DTWD2: variants seen among roughly 807,000 people sequenced by gnomAD.
DTWD2 encodes the protein DTW motif tRNA-uridine aminocarboxypropyltransferase 2, also known as tRNA-uridine aminocarboxypropyltransferase 2.
DTWD2 carries 39 observed loss-of-function variants against 31.8 expected under a neutral mutation model. That is an observed-to-expected ratio of 1.22 (90% CI 0.95 to 1.60). DTWD2 has a LOEUF of 1.60. Ranked by LOEUF, DTWD2 falls within the 40% of genes most tolerant of loss-of-function variation. DTWD2 has a pLI of 0.00. For missense variants in DTWD2, 515 were observed against 381.5 expected, an observed-to-expected ratio of 1.35 and a Z score of -2.92; for synonymous variants, 180 against 142.8, an observed-to-expected ratio of 1.26 and a Z score of -1.86.
chr5:118,850,457 G>C (rs1235352280), intron 4 of DTWD2, among the ~76,000 whole-genome samples: 1 of 109,244 alleles, frequency 9.2e-6, no homozygotes, highest in African/African-American at 3.5e-5. Flanking sequence ...CAGACTGGGT[G>C]ACAGAGCCAG....
At chr5:118,882,701 T>C (rs531946149) in intron 4 of DTWD2, among the ~76,000 whole-genome samples, 2 of 152,302 alleles carry the variant, frequency 1.3e-5, no homozygotes, top group Admixed American at 6.5e-5. Context: ...TCTGAAACAA[T>C]GTTCTGAGCT....
intron 4 of DTWD2, among the ~76,000 whole-genome samples, chr5:118,883,609 G>A (rs966958850): frequency 6.6e-6 from 1 of 152,186 alleles, no homozygotes; most frequent in East Asian, 1.9e-4. Flanking sequence ...CATGGTAGAG[G>A]ACAAAGGGGA....
At chr5:118,959,326 C>A (rs1754657888) in intron 1 of DTWD2, among the ~76,000 whole-genome samples, 3 of 152,202 alleles carry the variant, frequency 2.0e-5, no homozygotes, top group Middle Eastern at 3.4e-3. Flanking sequence ...AGCGCCAAAT[C>A]AAGAACACAA....
intron 4 of DTWD2, among the ~76,000 whole-genome samples, chr5:118,865,888 T>A (rs139019450): frequency 6.6e-6 from 1 of 152,310 alleles, no homozygotes; most frequent in Non-Finnish European, 1.5e-5. Context: ...GCAACGACCT[T>A]ACCTCTCTTG....
chr5:118,929,794 G>A (rs148130407), intron 3 of DTWD2, among the ~76,000 whole-genome samples: 76 of 152,300 alleles, frequency 5.0e-4, no homozygotes, highest in African/African-American at 1.7e-3. Context: ...TGGCAGCCAG[G>A]CTTTCTCTGA....
At chr5:118,907,727 CAAA>C (rs1191974736) in intron 4 of DTWD2, among the ~76,000 whole-genome samples, 7 of 115,730 alleles carry the variant, frequency 6.0e-5, no homozygotes, top group Non-Finnish European at 5.6e-5. Flanking sequence ...GACTCCATAT[CAAA>C]AAAAAAAAAA....
At chr5:118,911,348 A>G (rs1753454023) in intron 4 of DTWD2, among the ~76,000 whole-genome samples, 1 of 152,246 alleles carries the variant, frequency 6.6e-6, no homozygotes, top group Admixed American at 6.5e-5. Context: ...TAGCAAAGAC[A>G]AAAGATAACA....
intron 1 of DTWD2, among the ~76,000 whole-genome samples, chr5:118,973,607 G>A (rs372608694): frequency 5.1e-5 from 1 of 19,692 alleles, no homozygotes; most frequent in African/African-American, 1.4e-4. Flanking sequence ...TTCCTCGTCC[G>A]CCTCCTTGCT....
intron 3 of DTWD2, 44 bp downstream of exon 3, chr5:118,939,152 T>C (rs763617446): frequency 2.3e-5 from 36 of 1,534,924 alleles, no homozygotes; most frequent in Non-Finnish European, 3.1e-5. Context: ...TTTTAAGATC[T>C]GTGTAGAAAA....
chr5:118,927,512 ATGTG>A (rs1055404269), intron 4 of DTWD2, among the ~76,000 whole-genome samples: 3 of 151,924 alleles, frequency 2.0e-5, no homozygotes, highest in African/African-American at 7.2e-5. Flanking sequence ...ACGTTTGTGT[ATGTG>A]TGTGTGTCTA....
At chr5:118,975,486 G>A (rs753569456) in intron 1 of DTWD2, among the ~76,000 whole-genome samples, 10 of 151,962 alleles carry the variant, frequency 6.6e-5, no homozygotes, top group Non-Finnish European at 1.2e-4. Flanking sequence ...CCTTTAGCTC[G>A]GAGGAATTTG....
At chr5:118,842,830 C>G (rs1387098025) in intron 5 of DTWD2, among the ~76,000 whole-genome samples, 4 of 151,714 alleles carry the variant, frequency 2.6e-5, no homozygotes, top group Non-Finnish European at 5.9e-5. Flanking sequence ...ACCTGTGGTC[C>G]CAGCTACTCG....
intron 4 of DTWD2, among the ~76,000 whole-genome samples, chr5:118,913,756 A>T (rs1182786568): frequency 6.6e-6 from 1 of 152,048 alleles, no homozygotes; most frequent in Non-Finnish European, 1.5e-5. Flanking sequence ...AACACAATTT[A>T]AATAACTGGC....
At chr5:118,850,539 T>C (rs1448882851) in intron 4 of DTWD2, among the ~76,000 whole-genome samples, 1 of 98,182 alleles carries the variant, frequency 1.0e-5, no homozygotes, top group East Asian at 3.1e-4. Flanking sequence ...AAGATTAAAA[T>C]GTAAGGCCAA....
intron 4 of DTWD2, among the ~76,000 whole-genome samples, chr5:118,896,843 C>T (rs547874879): frequency 6.6e-6 from 1 of 152,314 alleles, no homozygotes; most frequent in East Asian, 1.9e-4. Flanking sequence ...ATGGACCCAG[C>T]TGAGTACAAC....
chr5:118,967,576 G>C (rs1157379460), intron 1 of DTWD2, among the ~76,000 whole-genome samples: 1 of 152,174 alleles, frequency 6.6e-6, no homozygotes. Flanking sequence ...CAACCTGAAA[G>C]AGTTCTCAAT....
intron 1 of DTWD2, among the ~76,000 whole-genome samples, chr5:118,985,904 G>A (rs1033203201): frequency 4.6e-5 from 7 of 152,068 alleles, no homozygotes; most frequent in African/African-American, 1.2e-4. Context: ...TACATCATAG[G>A]ATTTTTAATC....
intron 4 of DTWD2, among the ~76,000 whole-genome samples, chr5:118,870,051 T>G (rs1161922878): frequency 1.3e-5 from 2 of 152,130 alleles, no homozygotes; most frequent in Non-Finnish European, 2.9e-5. Context: ...TAGCTTCCCT[T>G]CCACCATGAT....
chr5:118,855,208 T>C (rs1450783295), intron 4 of DTWD2, among the ~76,000 whole-genome samples: 1 of 146,088 alleles, frequency 6.8e-6, no homozygotes, highest in Non-Finnish European at 1.5e-5. Context: ...ACCTGTAACT[T>C]AGTGTAAATA....
Sources: gnomAD v4.1 joint callset for allele counts (sites outside exome capture counted in the v4.1 genomes callset) on GRCh38, gnomAD v4.1.1 for gene constraint, MANE v1.5 for transcripts, NCBI Gene and HGNC (gene_info 2026-07-23, HGNC 2026-07-21) for gene names.